ADAMTS15: variants seen among roughly 807,000 people sequenced by gnomAD.
ADAMTS15 encodes the protein A disintegrin and metalloproteinase with thrombospondin motifs 15.
In ADAMTS15, 35 loss-of-function variants were observed where a neutral mutation model predicts 79.1. That is an observed-to-expected ratio of 0.44 (90% CI 0.34 to 0.59). ADAMTS15 has a LOEUF of 0.59. ADAMTS15 is among the 20% of genes least tolerant of loss of function. The probability of loss-of-function intolerance (pLI) is 0.02; values close to 1 mark genes in which losing one functional copy is unlikely to be tolerated. For missense variants in ADAMTS15, 1,324 were observed against 1,318.7 expected, an observed-to-expected ratio of 1.00 and a Z score of -0.06; for synonymous variants, 616 against 567.3, an observed-to-expected ratio of 1.09 and a Z score of -1.22.
At chr11:130,468,195 G>T (rs1220866159) in intron 4 of ADAMTS15, among the ~76,000 whole-genome samples, 1 of 152,156 alleles carries the variant, frequency 6.6e-6, no homozygotes, top group African/African-American at 2.4e-5. Context: ...TGCCTGTTAC[G>T]CCACTTCTGT....
rs773387837 is a variant in ADAMTS15, at chr11:130,471,241, A to G, written c.1936A>G (p.Thr646Ala). The G allele has an allele frequency of 1.2e-6, 2 of 1,608,480 alleles. No homozygotes were observed. Among genetic ancestry groups the G allele is most frequent in the South Asian group, 1.1e-5 (1 of 90,068 alleles). ...CGGCACGCTGTGCTCTCCTGACTCC[A>G]CCTCCGTCTGTGTCCAAGGCAAGTG... ...VDGTLCSPDS[T>A]SVCVQGKCIK... The change falls in exon 7 of 8, where the codon ACC becomes GCC. Residue 646 changes from threonine to alanine, a missense_variant. Thr to Ala is a moderately conservative substitution (Grantham distance 58). Coordinates refer to ENST00000299164, the MANE Select transcript of ADAMTS15 (RefSeq NM_139055.4).
chr11:130,461,789 G>A (rs559205768), intron 2 of ADAMTS15, among the ~76,000 whole-genome samples, 168 bp downstream of exon 2: 12 of 152,234 alleles, frequency 7.9e-5, no homozygotes, highest in Admixed American at 2.0e-4. Context: ...CCCCAGCCCC[G>A]CTGGCCAATG....
intron 1 of ADAMTS15, among the ~76,000 whole-genome samples, chr11:130,460,583 A>G (rs1315891332): frequency 6.6e-6 from 1 of 152,160 alleles, no homozygotes; most frequent in Non-Finnish European, 1.5e-5. Context: ...GGCCCAACAC[A>G]CGTCTTCTTA....
In ADAMTS15 at chr11:130,454,238, G is replaced by C. The variant is rs184980099; in HGVS notation, c.957+4308G>C. 3.3e-5 allele frequency among the ~76,000 whole-genome samples: 5 copies of C among 152,260 alleles called. No individual in the cohort carries two copies. The East Asian group carries it at 9.6e-4, about 29-fold the overall frequency. The stretch of plus-strand genomic sequence containing the variant: ...TCCTCTTTTGGGACCATCCAGGCAG[G>C]ATCTTTGCAGTCTTTCTCTTCCCCC... On this transcript the variant is annotated intron_variant, in intron 1 of 7. Coordinates refer to ENST00000299164, the MANE Select transcript of ADAMTS15 (RefSeq NM_139055.4).
Position 130,462,242 on chromosome 11 carries a change from G to T in ADAMTS15, c.1246G>T (p.Asp416Tyr). 1.2e-6 allele frequency: 2 copies of T among 1,613,534 alleles called. No individual in the cohort carries two copies. The highest frequency in any genetic ancestry group is 1.7e-6 in the Non-Finnish European group (2 of 1,179,600). The change falls in exon 3 of 8, where the codon GAC (aspartate) becomes TAC (tyrosine). Residue 416 changes from aspartate (D) to tyrosine (Y), a missense_variant. Transcript: ENST00000299164. This position sits in a 1 kb window ranked among gnomAD's most constrained non-coding sequence, Gnocchi z 4.3. ...TGCTGCCATCATCACCGACTTCCTG[G>T]ACAGCGGGCACGGTAAGCCAGGACG... ...CSAAIITDFL[D>Y]SGHGDCLLDQ...
rs1565397966 is a variant in ADAMTS15 at position 130,470,212 on chromosome 11, A to ATATATATG, written c.1721-701_1721-700insGTATATAT. Among the ~76,000 whole-genome samples, 43 of 52,264 alleles carry ATATATATG rather than the reference A, an allele frequency of 8.2e-4. 2 individuals carry two copies. The highest frequency in any genetic ancestry group is 4.7e-3 in the African/African-American group (42 of 8,850). 34.3% of individuals were successfully genotyped at this position (52,264 alleles called of 152,430 possible). A position where few individuals can be genotyped will look rare whatever the true frequency, so the allele number is the denominator to read the frequency against. Reference sequence around the variant, plus strand: ...TATATATATATATATATATATATGTATATATATATATATTTTCTGAGGTAG... The same window carrying ATATATATG: ...TATATATATATATATATATATATGTATATATATGTATATATATATATTTTCTGAGGTAG... On this transcript the variant is annotated intron_variant, in intron 5 of 7. Coordinates refer to ENST00000299164, the MANE Select transcript of ADAMTS15 (RefSeq NM_139055.4).
At position 130,457,881 on chromosome 11, in the gene ADAMTS15, T is replaced by C. The variant is rs574738800; in HGVS notation, c.958-3608T>C. 9.2e-5 allele frequency among the ~76,000 whole-genome samples: 14 copies of C among 152,278 alleles called. No individual in the cohort carries two copies. The South Asian group carries it at 2.5e-3, about 27-fold the overall frequency. ...AGGACAGGCAGAGCTTCTGACCCCA[T>C]ACAGCTGTGTCTTCCCACAGTGAAG... On this transcript the variant is annotated intron_variant, in intron 1 of 7. Transcript: ENST00000299164.
intron 1 of ADAMTS15, among the ~76,000 whole-genome samples, chr11:130,457,308 C>T (rs1021128272): frequency 5.3e-5 from 8 of 151,564 alleles, no homozygotes; most frequent in Non-Finnish European, 1.0e-4. Context: ...CATTGAGCAT[C>T]TTGGTACATG....
In ADAMTS15 at chr11:130,472,237, C is replaced by T. The variant is rs1389438965; in HGVS notation, c.2079-810C>T. Among the ~76,000 whole-genome samples, 5 of 152,196 alleles carry T rather than the reference C, an allele frequency of 3.3e-5. No homozygotes were observed. Among genetic ancestry groups the T allele is most frequent in the Non-Finnish European group, 7.3e-5 (5 of 68,030 alleles). On this transcript the variant is annotated intron_variant, in intron 7 of 7. Coordinates refer to ENST00000299164, the MANE Select transcript of ADAMTS15 (RefSeq NM_139055.4). This position sits in a 1 kb window ranked among gnomAD's most constrained non-coding sequence, Gnocchi z 4.7. ...AAAGGCCTAGATGGCTGTCCTGGAG[C>T]CTTGACTGTGCCCCTGGACACGTCG...
intron 4 of ADAMTS15, among the ~76,000 whole-genome samples, chr11:130,465,041 G>A (rs891146012): frequency 2.2e-4 from 34 of 151,666 alleles, no homozygotes; most frequent in African/African-American, 8.2e-4. Context: ...GGCCCATAAT[G>A]CTGTCCAGGA....
rs9795326 is a variant in ADAMTS15 at position 130,470,160 on chromosome 11, A to G, written c.1720+721A>G. The stretch of plus-strand genomic sequence containing the variant: ...TATATATATATATATATGTGTATAT[A>G]TATATATATATATATATATATGTGT... On this transcript the variant is annotated intron_variant, in intron 5 of 7. Coordinates refer to ENST00000299164, the MANE Select transcript of ADAMTS15 (RefSeq NM_139055.4). Among the ~76,000 whole-genome samples the G allele has an allele frequency of 5.6e-3, 320 of 57,236 alleles. 24 individuals are homozygous for G. The highest frequency in any genetic ancestry group is 0.028 in the African/African-American group (266 of 9,632). The allele number at this position is 57,236 out of a possible 152,430, so 37.5% of individuals were successfully genotyped here.
At chr11:130,470,193 T>TAC (rs1938418213) in intron 5 of ADAMTS15, among the ~76,000 whole-genome samples, 9 of 53,118 alleles carry the variant, frequency 1.7e-4, no homozygotes, top group African/African-American at 7.6e-4. Flanking sequence ...TGTGTATATA[T>TAC]ATATATATAT....
Position 130,476,321 on chromosome 11 carries a change from G to A in ADAMTS15, c.*2500G>A, listed in dbSNP as rs533177026. ...GATTCCCTAGCCTCCTCTGCCCATCGCGTGCACTGATTGGAGGAGTCTGGC... is the reference window on the plus strand; with the variant it reads ...GATTCCCTAGCCTCCTCTGCCCATCACGTGCACTGATTGGAGGAGTCTGGC... On this transcript the variant is annotated 3_prime_UTR_variant, in exon 8 of 8. Coordinates refer to ENST00000299164, the MANE Select transcript of ADAMTS15 (RefSeq NM_139055.4). 1.1e-4 allele frequency: 16 copies of A among 152,316 alleles called. No homozygotes were observed. The highest frequency in any genetic ancestry group is 4.2e-4 in the South Asian group (2 of 4,816). The allele number at this position is 152,316 out of a possible 1,614,324, so 9.4% of individuals were successfully genotyped here.
chr11:130,455,350 A>G (rs1938054584), intron 1 of ADAMTS15, among the ~76,000 whole-genome samples: 1 of 152,284 alleles, frequency 6.6e-6, no homozygotes, highest in Middle Eastern at 3.4e-3. Flanking sequence ...TTGTCCTTTC[A>G]AGTATGCTTA....
chr11:130,449,480 C>A lies in ADAMTS15; in HGVS notation c.507C>A (p.Asp169Glu), dbSNP rs536312332. The A allele has an allele frequency of 1.3e-6, 2 of 1,561,872 alleles. No individual in the cohort carries two copies. The highest frequency in any genetic ancestry group is 1.3e-5 in the African/African-American group (1 of 74,122). ...RRGVPGGPSG[D>E]PTSRCGVASG... is the part of the protein sequence containing the mutation. ...GTGTTCCGGGCGGGCCTTCCGGAGACCCCACCTCTCGCTGCGGGGTGGCCT... is the reference window on the plus strand; with the variant it reads ...GTGTTCCGGGCGGGCCTTCCGGAGAACCCACCTCTCGCTGCGGGGTGGCCT... The change falls in exon 1 of 8, where the codon GAC becomes GAA. Residue 169 changes from aspartate to glutamate, a missense_variant. Coordinates refer to ENST00000299164, the MANE Select transcript of ADAMTS15 (RefSeq NM_139055.4). This position sits in a 1 kb window ranked among gnomAD's most constrained non-coding sequence, Gnocchi z 7.8.
intron 5 of ADAMTS15, among the ~76,000 whole-genome samples, chr11:130,470,190 A>ATATATATATATATATATATATGTG (rs1938417575): frequency 1.3e-4 from 8 of 59,996 alleles, no homozygotes; most frequent in Non-Finnish European, 2.2e-4. Flanking sequence ...ATGTGTGTAT[A>ATATATATATATATATATATATGTG]TATATATATA....
chr11:130,457,941 C>T (rs1938121220), intron 1 of ADAMTS15, among the ~76,000 whole-genome samples: 1 of 152,206 alleles, frequency 6.6e-6, no homozygotes, highest in Admixed American at 6.5e-5. Flanking sequence ...CTTCCAGAGC[C>T]ACTCTTACCC....
chr11:130,471,224 T>C lies in ADAMTS15; in HGVS notation c.1919T>C (p.Leu640Pro), dbSNP rs1310008956. Residue 640 changes from leucine to proline, a missense_variant, in exon 7 of 8, where the codon CTG (leucine) becomes CCG (proline). Physicochemically the swap from Leu to Pro is moderately conservative, Grantham distance 98. Transcript: ENST00000299164. ...VLAPKVVDGT[L>P]CSPDSTSVCV... ...GTGCTGCAGGTGGTGGACGGCACGC[T>C]GTGCTCTCCTGACTCCACCTCCGTC... is the stretch of plus-strand genomic sequence containing the variant. 6.2e-7 allele frequency: 1 copy of C among 1,601,638 alleles called. No homozygotes were observed. The highest frequency in any genetic ancestry group is 1.3e-5 in the African/African-American group (1 of 74,312).
At position 130,462,010 on chromosome 11, in the gene ADAMTS15, G is replaced by C; in HGVS notation, c.1091-77G>C. 1 of 1,461,734 alleles carries C rather than the reference G, an allele frequency of 6.8e-7. No homozygotes were observed. The highest frequency in any genetic ancestry group is 1.3e-5 in the South Asian group (1 of 78,280). 90.5% of individuals were successfully genotyped at this position (1,461,734 alleles called of 1,614,324 possible). A position where few individuals can be genotyped will look rare whatever the true frequency, so the allele number is the denominator to read the frequency against. ...GAAAACCTCTGACATGGGCTTTCTA[G>C]TTCCCCTGCCCCATTCCTCCCTCCA... On this transcript the variant is annotated intron_variant, in intron 2 of 7. Transcript: ENST00000299164. The surrounding 1 kb of genome is among the most constrained non-coding windows in gnomAD (Gnocchi z 4.3).
Sources: gnomAD v4.1 joint callset for allele counts (sites outside exome capture counted in the v4.1 genomes callset) on GRCh38, gnomAD v4.1.1 for gene constraint, Gnocchi (gnomAD v3.1) non-coding constraint, MANE v1.5 for transcripts, NCBI Gene and HGNC (gene_info 2026-07-23, HGNC 2026-07-21) for gene names.